AXL: variants seen among roughly 807,000 people sequenced by gnomAD.
AXL encodes AXL receptor tyrosine kinase.
Under a neutral mutation model 104.5 loss-of-function variants are expected in AXL, and 52 were observed. That is an observed-to-expected ratio of 0.50 (90% CI 0.40 to 0.63). The LOEUF (loss-of-function observed/expected upper bound fraction) is 0.63, where lower values mean the gene tolerates loss of function less well. AXL is among the 20% of genes least tolerant of loss of function. The probability of loss-of-function intolerance (pLI) is 0.00; values close to 1 mark genes in which losing one functional copy is unlikely to be tolerated. For missense variants in AXL, 1,024 were observed against 1,188.5 expected, an observed-to-expected ratio of 0.86 and a Z score of 2.04; for synonymous variants, 455 against 473.7, an observed-to-expected ratio of 0.96 and a Z score of 0.51.
chr19:41,246,699 A>G (rs761309359), intron 12 of AXL, among the ~76,000 whole-genome samples: 6 of 152,042 alleles, frequency 3.9e-5, no homozygotes, highest in African/African-American at 1.4e-4. Flanking sequence ...TAGGCAACAG[A>G]GCGAGACTCG....
chr19:41,225,167 T>C (rs1225361266), intron 4 of AXL, among the ~76,000 whole-genome samples: 1 of 152,170 alleles, frequency 6.6e-6, no homozygotes, highest in Admixed American at 6.5e-5. Flanking sequence ...CTTATTTTTG[T>C]ATTTTTAGTA....
chr19:41,255,763 C>T (rs996758207), intron 17 of AXL, among the ~76,000 whole-genome samples: 6 of 150,586 alleles, frequency 4.0e-5, no homozygotes, highest in South Asian at 2.1e-4. Flanking sequence ...GTTTTTGAGA[C>T]GGAGTCTCAC....
At chr19:41,224,469 C>A (rs1223324082) in intron 4 of AXL, among the ~76,000 whole-genome samples, 2 of 152,004 alleles carry the variant, frequency 1.3e-5, no homozygotes, top group Non-Finnish European at 2.9e-5. Context: ...ACCTCCTGGG[C>A]TCAAGCAATC....
At chr19:41,236,333 A>AC (rs1008402527) in intron 6 of AXL, among the ~76,000 whole-genome samples, 51 of 134,434 alleles carry the variant, frequency 3.8e-4, no homozygotes, top group African/African-American at 1.5e-3. Flanking sequence ...ACTCTGTCTA[A>AC]AAAAAAAAAA....
chr19:41,221,070 T>C (rs964420133), intron 2 of AXL, 76 bp from the exon 3 acceptor site: 3 of 1,399,096 alleles, frequency 2.1e-6, no homozygotes, highest in African/African-American at 1.4e-5. Flanking sequence ...GGACACCCTC[T>C]TTCCGTTCTG....
intron 14 of AXL, among the ~76,000 whole-genome samples, chr19:41,252,138 T>C (rs942817103): frequency 5.7e-5 from 8 of 141,512 alleles, no homozygotes; most frequent in Non-Finnish European, 1.1e-4. Context: ...AGAAAATATA[T>C]ATTTTATATA....
chr19:41,252,312 T>TA lies in AXL; in HGVS notation c.1712-39_1712-38insA, dbSNP rs764288575. ...GGAGGTGGAGGGAGAGTCCTCCCTC[T>TA]CCTCCCCTCCTCCTCACGACCTTTC... On this transcript the variant is annotated intron_variant, in intron 14 of 19. Transcript: ENST00000301178. The TA allele has an allele frequency of 3.2e-6, 5 of 1,541,026 alleles. No homozygotes were observed. In the South Asian group the frequency reaches 3.4e-5, roughly 10 times the overall value.
intron 12 of AXL, among the ~76,000 whole-genome samples, chr19:41,244,141 G>C (rs1846090011): frequency 6.6e-6 from 1 of 152,002 alleles, no homozygotes; most frequent in African/African-American, 2.4e-5. Flanking sequence ...GGAGGTCAAG[G>C]CTGCAGTAAG....
intron 14 of AXL, among the ~76,000 whole-genome samples, chr19:41,249,461 AT>A (rs1215694518): frequency 6.6e-6 from 1 of 152,004 alleles, no homozygotes; most frequent in Non-Finnish European, 1.5e-5. Flanking sequence ...TCTTAAAAAA[AT>A]AAAACACACA....
chr19:41,241,217 A>T (rs2034175021), intron 10 of AXL, among the ~76,000 whole-genome samples: 1 of 152,028 alleles, frequency 6.6e-6, no homozygotes, highest in Admixed American at 6.6e-5. Flanking sequence ...GCCCCTTTGG[A>T]TATTTATTTC....
At chr19:41,256,673 T>A in intron 18 of AXL, 62 bp downstream of exon 18, 9 of 1,586,226 alleles carry the variant, frequency 5.7e-6, no homozygotes, top group Non-Finnish European at 7.8e-6. Context: ...CATCACACAC[T>A]ATGCCTGGGT....
rs563334837 is a variant in AXL, at chr19:41,219,427, C to T, written c.35C>T (p.Pro12Leu). 1.2e-5 allele frequency: 19 copies of T among 1,606,162 alleles called. No homozygotes were observed. The highest frequency in any genetic ancestry group is 7.8e-5 in the South Asian group (7 of 89,536). The change falls in exon 1 of 20, where the codon CCG (proline) becomes CTG (leucine). Residue 12 changes from proline (P) to leucine (L), a missense_variant. Pro to Leu is a moderately conservative substitution (Grantham distance 98). Coordinates refer to ENST00000301178, the MANE Select transcript of AXL (RefSeq NM_021913.5). ...AWRCPRMGRV[P>L]LAWCLALCGW... ...CGGTGCCCCAGGATGGGCAGGGTCC[C>T]GCTGGCCTGGTGCTTGGCGCTGTGC...
At position 41,231,114 on chromosome 19, in the gene AXL, G is replaced by A. The variant is rs2122219460; in HGVS notation, c.667+67G>A. ...GGGTTTGGGTCCGGGGTCAGAGTGG[G>A]GGCAGAGAGCAGGGTAGGGAGCTTT... is the stretch of plus-strand genomic sequence containing the variant. On this transcript the variant is annotated intron_variant, in intron 5 of 19. Coordinates refer to ENST00000301178, the MANE Select transcript of AXL (RefSeq NM_021913.5). 4 of 1,611,318 alleles carry A rather than the reference G, an allele frequency of 2.5e-6. No homozygotes were observed. The East Asian group carries it at 6.7e-5, about 27-fold the overall frequency.
intron 6 of AXL, among the ~76,000 whole-genome samples, chr19:41,236,326 C>G (rs2034077774): frequency 8.5e-6 from 1 of 117,864 alleles, no homozygotes; most frequent in African/African-American, 3.7e-5. Context: ...GAGCAAGACT[C>G]TGTCTAAAAA....
At chr19:41,253,797 C>G (rs2122281614) in intron 17 of AXL, 89 bp downstream of exon 17, 1 of 1,089,162 alleles carries the variant, frequency 9.2e-7, no homozygotes, top group African/African-American at 1.6e-5. Context: ...GGAAGCAGGG[C>G]TAGACACCCG....
Position 41,222,682 on chromosome 19 carries a change from G to A in AXL, c.586+626G>A, listed in dbSNP as rs548067217. ...AGCACTTTGGGAGGCTGAGGCGGGC[G>A]GATCACGAGGTCAGGAGATCAAGAC... On this transcript the variant is annotated intron_variant, in intron 4 of 19. Transcript: ENST00000301178. Among the ~76,000 whole-genome samples the A allele has an allele frequency of 7.2e-5, 11 of 152,176 alleles. No individual in the cohort carries two copies. The South Asian group carries it at 1.9e-3, about 26-fold the overall frequency.
chr19:41,221,078 C>G, intron 2 of AXL, 68 bp from the exon 3 acceptor site: 1 of 1,449,940 alleles, frequency 6.9e-7, no homozygotes, highest in South Asian at 1.2e-5. Context: ...TCTTTCCGTT[C>G]TGACAGACCC....
rs891633022 is a variant in AXL, at chr19:41,259,882, C to A, written c.2663C>A (p.Pro888Gln). The A allele has an allele frequency of 6.3e-7, 1 of 1,591,244 alleles. No homozygotes were observed. The highest frequency in any genetic ancestry group is 8.6e-7 in the Non-Finnish European group (1 of 1,166,540). ...QPADRGSPAA[P>Q]GQEDGA ...GCTGATAGGGGCTCCCCAGCAGCCCCAGGGCAGGAGGATGGTGCCTGAGAC... is the reference window on the plus strand; with the variant it reads ...GCTGATAGGGGCTCCCCAGCAGCCCAAGGGCAGGAGGATGGTGCCTGAGAC... Residue 888 changes from proline (P) to glutamine (Q), a missense_variant, in exon 20 of 20, where the codon CCA becomes CAA. By Grantham distance (76) the Pro-to-Gln change is moderately conservative. Around this residue, in one of 5 missense-constraint regions of AXL, gnomAD observed 523 missense variants for 636.0 expected, o/e 0.82. Coordinates refer to ENST00000301178, the MANE Select transcript of AXL (RefSeq NM_021913.5).
chr19:41,247,792 C>T (rs1177811932), intron 12 of AXL, among the ~76,000 whole-genome samples: 1 of 152,032 alleles, frequency 6.6e-6, no homozygotes, highest in Non-Finnish European at 1.5e-5. Context: ...GCCATGTTGC[C>T]CAGGCTGGTT....
Sources: gnomAD v4.1 joint callset for allele counts (sites outside exome capture counted in the v4.1 genomes callset) on GRCh38, gnomAD v4.1.1 for gene constraint, gnomAD v4.1.1 regional missense constraint, MANE v1.5 for transcripts, NCBI Gene and HGNC (gene_info 2026-07-23, HGNC 2026-07-21) for gene names.